The following BMPR1B variants were observed in gnomAD, a reference collection of about 807,000 sequenced individuals.
The protein encoded by BMPR1B is bone morphogenetic protein receptor type 1B.
A neutral mutation model predicts 59.1 loss-of-function variants in BMPR1B; 12 were observed. The observed-to-expected ratio is 0.20, with a 90% confidence interval of 0.13 to 0.33. The LOEUF (loss-of-function observed/expected upper bound fraction) is 0.33, where lower values mean the gene tolerates loss of function less well. Ranked by LOEUF, BMPR1B falls within the 10% of genes least tolerant of loss-of-function variation. The pLI is 1.00. For synonymous variants in BMPR1B, 237 were observed against 207.3 expected (o/e 1.14, Z -1.23); for missense variants, 550 against 610.9 (o/e 0.90, Z 1.05).
At chr4:94,959,005 G>T (rs1730259975) in intron 2 of BMPR1B, among the ~76,000 whole-genome samples, 1 of 152,096 alleles carries the variant, frequency 6.6e-6, no homozygotes, top group Non-Finnish European at 1.5e-5. Context: ...TGATTTGGCT[G>T]GAAAAGAGCC....
intron 1 of BMPR1B, among the ~76,000 whole-genome samples, chr4:94,812,045 A>G (rs1266173801): frequency 6.6e-6 from 1 of 152,158 alleles, no homozygotes; most frequent in Non-Finnish European, 1.5e-5. Context: ...TATCTAGAGA[A>G]TGTTTGAAGA....
At chr4:94,890,542 A>G (rs1727349135) in intron 2 of BMPR1B, among the ~76,000 whole-genome samples, 2 of 152,148 alleles carry the variant, frequency 1.3e-5, no homozygotes. Flanking sequence ...AGTCAATCAG[A>G]GAAGTTGTAC....
Position 95,116,415 on chromosome 4 carries a change from G to GCACA in BMPR1B, c.349+629_349+630insACAC, listed in dbSNP as rs1491178901. On this transcript the variant is annotated intron_variant, in intron 6 of 12. Transcript: ENST00000515059. ...CCCTTTCTCCTCCTCCATGCTTTCA[G>GCACA]CGCGCGCACACACACACACACACAC... Among the ~76,000 whole-genome samples, 178 of 67,892 alleles carry GCACA rather than the reference G, an allele frequency of 2.6e-3. 1 individual carries two copies. Among genetic ancestry groups the GCACA allele is most frequent in the African/African-American group, 0.013 (168 of 12,590 alleles). 44.5% of individuals were successfully genotyped at this position (67,892 alleles called of 152,430 possible).
At chr4:95,079,334 C>T (rs1291628744) in intron 3 of BMPR1B, among the ~76,000 whole-genome samples, 2 of 152,196 alleles carry the variant, frequency 1.3e-5, no homozygotes, top group African/African-American at 2.4e-5. Flanking sequence ...TTATCACGTG[C>T]GTGCCAGGTG....
intron 3 of BMPR1B, among the ~76,000 whole-genome samples, chr4:95,077,832 C>G (rs1411051757): frequency 1.3e-5 from 2 of 152,126 alleles, no homozygotes; most frequent in African/African-American, 2.4e-5. Context: ...TTGCAAAATA[C>G]AAGATGTAAT....
At chr4:95,000,995 G>A (rs1016172533) in intron 3 of BMPR1B, among the ~76,000 whole-genome samples, 9 of 152,098 alleles carry the variant, frequency 5.9e-5, no homozygotes, top group Non-Finnish European at 8.8e-5. Context: ...TTATCAATGG[G>A]CAGTTGTGGC....
chr4:94,991,613 G>A (rs1409112968), intron 2 of BMPR1B, among the ~76,000 whole-genome samples: 1 of 152,178 alleles, frequency 6.6e-6, no homozygotes, highest in Non-Finnish European at 1.5e-5. Context: ...AGGGTAAACT[G>A]GTCAGGGACA....
chr4:94,825,284 A>G (rs184155525), intron 1 of BMPR1B, among the ~76,000 whole-genome samples: 18 of 152,158 alleles, frequency 1.2e-4, no homozygotes, highest in East Asian at 1.9e-4. Context: ...AGGAGGATCT[A>G]TTGAGCCCAG....
chr4:94,832,133 C>A (rs772435169), intron 1 of BMPR1B, among the ~76,000 whole-genome samples: 59 of 151,290 alleles, frequency 3.9e-4, no homozygotes, highest in Non-Finnish European at 3.4e-4. Flanking sequence ...ACACTCCCAC[C>A]CTGGTCTATG....
intron 2 of BMPR1B, among the ~76,000 whole-genome samples, chr4:94,929,604 T>G (rs1289611298): frequency 6.6e-6 from 1 of 152,078 alleles, no homozygotes; most frequent in Non-Finnish European, 1.5e-5. Context: ...GTTTCTCTAT[T>G]TCCTCTGTGT....
chr4:95,117,330 A>C (rs1368087525), intron 6 of BMPR1B, among the ~76,000 whole-genome samples: 13 of 152,206 alleles, frequency 8.5e-5, no homozygotes, highest in African/African-American at 3.1e-4. Context: ...ACAGCACCGG[A>C]AAGTTTATTA....
chr4:94,830,895 A>G (rs79708133), intron 1 of BMPR1B, among the ~76,000 whole-genome samples: 2,222 of 152,348 alleles, frequency 0.015, 39 homozygotes, highest in East Asian at 0.074. Context: ...CACAATGACA[A>G]TTATGTACAG....
intron 3 of BMPR1B, among the ~76,000 whole-genome samples, chr4:95,066,547 G>A (rs768154806): frequency 2.0e-5 from 3 of 152,184 alleles, no homozygotes; most frequent in Non-Finnish European, 4.4e-5. Flanking sequence ...TCTAGAGCTT[G>A]TAAACATAGG....
chr4:95,057,568 GAATAATCAAA>G (rs1727026124), intron 3 of BMPR1B, among the ~76,000 whole-genome samples: 2 of 151,948 alleles, frequency 1.3e-5, no homozygotes, highest in Admixed American at 1.3e-4. Flanking sequence ...CGGACCCTTA[GAATAATCAAA>G]GGTAACCTAC....
At chr4:94,971,864 C>G (rs1466474454) in intron 2 of BMPR1B, among the ~76,000 whole-genome samples, 1 of 151,360 alleles carries the variant, frequency 6.6e-6, no homozygotes, top group African/African-American at 2.4e-5. Context: ...TTTTCATGTT[C>G]AAGACAAAGA....
intron 3 of BMPR1B, among the ~76,000 whole-genome samples, chr4:95,102,483 G>A (rs1730894141): frequency 1.3e-5 from 2 of 152,136 alleles, no homozygotes; most frequent in African/African-American, 4.8e-5. Flanking sequence ...TAAAGGGTCT[G>A]GTATGAAAGG....
chr4:94,949,793 T>C lies in BMPR1B; in HGVS notation c.-112-46247T>C, dbSNP rs533540208. Among the ~76,000 whole-genome samples, 12 of 152,342 alleles carry C rather than the reference T, an allele frequency of 7.9e-5. No individual in the cohort carries two copies. The South Asian group carries it at 2.3e-3, about 29-fold the overall frequency. On this transcript the variant is annotated intron_variant, in intron 2 of 12. Transcript: ENST00000515059. ...TAAAGTAGAATGATGTATAATCCTTTGGGTATATACTCAGTAATGGGATTA... is the reference window on the plus strand; with the variant it reads ...TAAAGTAGAATGATGTATAATCCTTCGGGTATATACTCAGTAATGGGATTA...
intron 3 of BMPR1B, among the ~76,000 whole-genome samples, chr4:95,062,536 T>A (rs1727476142): frequency 6.6e-6 from 1 of 152,132 alleles, no homozygotes; most frequent in Non-Finnish European, 1.5e-5. Flanking sequence ...GAGCATCTTT[T>A]TTTTCCTCTT....
intron 3 of BMPR1B, among the ~76,000 whole-genome samples, chr4:95,063,204 T>C (rs529462948): frequency 6.6e-6 from 1 of 152,282 alleles, no homozygotes; most frequent in South Asian, 2.1e-4. Context: ...AATAAACTAA[T>C]AGACAATAAC....
Sources: gnomAD v4.1 joint callset for allele counts (sites outside exome capture counted in the v4.1 genomes callset) on GRCh38, gnomAD v4.1.1 for gene constraint, MANE v1.5 for transcripts, NCBI Gene and HGNC (gene_info 2026-07-23, HGNC 2026-07-21) for gene names.